Variants in SETD1A observed in about 807,000 individuals in gnomAD.
SETD1A encodes the protein SET domain containing 1A, histone lysine methyltransferase.
A neutral mutation model predicts 149.9 loss-of-function variants in SETD1A; 29 were observed. The observed-to-expected ratio is 0.19, with a 90% CI of 0.14 to 0.26. The LOEUF (loss-of-function observed/expected upper bound fraction) is 0.26, where lower values mean the gene tolerates loss of function less well. SETD1A is among the 10% of genes least tolerant of loss of function. SETD1A has a pLI of 1.00. For synonymous variants in SETD1A, 1,141 were observed against 968.5 expected (o/e 1.18, Z -3.31); for missense variants, 2,109 against 2,353.1 (o/e 0.90, Z 2.15).
intron 1 of SETD1A, 130 bp from the exon 2 acceptor site, chr16:30,958,587 C>G: frequency 1.3e-6 from 1 of 741,212 alleles, no homozygotes; most frequent in Non-Finnish European, 2.2e-6. Context: ...CCGGGGGAGC[C>G]CCGGGTCAGG....
chr16:30,975,823 G>A (rs12931046), intron 13 of SETD1A, among the ~76,000 whole-genome samples: 80,552 of 151,830 alleles, frequency 0.53, 23,706 homozygotes, highest in East Asian at 0.91. Flanking sequence ...AGAGCTGGAG[G>A]GAGAGCAAGA....
chr16:30,971,292 A>T, intron 12 of SETD1A, 86 bp from the exon 13 acceptor site: 1 of 1,372,228 alleles, frequency 7.3e-7, no homozygotes, highest in Non-Finnish European at 1.0e-6. Context: ...AGAGCCCAGC[A>T]TCCACAGCAG....
intron 12 of SETD1A, among the ~76,000 whole-genome samples, chr16:30,970,242 T>A (rs1455064518): frequency 6.6e-6 from 1 of 151,126 alleles, no homozygotes; most frequent in Non-Finnish European, 1.5e-5. Context: ...GTGCTGGGAT[T>A]ACAGGCGTGA....
intron 1 of SETD1A, 92 bp from the exon 2 acceptor site, chr16:30,958,625 A>T: frequency 1.4e-5 from 16 of 1,116,478 alleles, no homozygotes; most frequent in Non-Finnish European, 2.1e-5. Flanking sequence ...GAGTGATGGG[A>T]GAACCTGGAA....
Position 30,969,685 on chromosome 16 carries a change from G to A in SETD1A, c.3012G>A (p.Ser1004=), listed in dbSNP as rs1245464994. The A allele has an allele frequency of 6.2e-6, 10 of 1,613,198 alleles. No homozygotes were observed. Among genetic ancestry groups the A allele is most frequent in the South Asian group, 2.2e-5 (2 of 91,078 alleles). Residue 1004 remains serine, a synonymous_variant, in exon 12 of 19, where the codon TCG becomes TCA. Transcript: ENST00000262519. ...VDTTKKETEV[S]DGEDEESDSS... ...CCACAAAGAAGGAGACAGAGGTGTC[G>A]GATGGTGAGCACAAGACAGTGAAAT...
intron 12 of SETD1A, 95 bp from the exon 13 acceptor site, chr16:30,971,276 TAGCCCAG>T (rs1261673414): frequency 1.6e-6 from 2 of 1,264,228 alleles, no homozygotes; most frequent in Non-Finnish European, 1.1e-6. Context: ...TCCCCGTCCC[TAGCCCAG>T]AGCCCAGCAT....
At chr16:30,978,218 A>G (rs1171010628) in intron 13 of SETD1A, among the ~76,000 whole-genome samples, 8 of 151,454 alleles carry the variant, frequency 5.3e-5, no homozygotes, top group African/African-American at 1.5e-4. Flanking sequence ...AGGTTGCAGT[A>G]AGCCGAGATT....
In SETD1A at chr16:30,971,375, C is replaced by T. The variant is rs1177446639; in HGVS notation, c.3017-3C>T. On this transcript the variant is annotated splice_region_variant and splice_polypyrimidine_tract_variant and intron_variant, in intron 12 of 18. Coordinates refer to ENST00000262519, the MANE Select transcript of SETD1A (RefSeq NM_014712.3). ...CTCCTGACTGCCCCTTCTGGATTTC[C>T]AGGCGAGGACGAGGAAAGCGATTCG... is the stretch of plus-strand genomic sequence containing the variant. The T allele has an allele frequency of 6.4e-7, 1 of 1,565,420 alleles. No individual in the cohort carries two copies. The highest frequency in any genetic ancestry group is 1.7e-5 in the Admixed American group (1 of 57,436).
At chr16:30,959,044 C>G (rs748879700) in intron 2 of SETD1A, 47 bp from the exon 3 acceptor site, 1 of 1,505,476 alleles carries the variant, frequency 6.6e-7, no homozygotes, top group Non-Finnish European at 9.2e-7. Flanking sequence ...AGCTCCCTAG[C>G]CTGGATTCAC....
Position 30,965,819 on chromosome 16 carries a change from C to T in SETD1A, c.1938C>T (p.Tyr646=), listed in dbSNP as rs770913157. ...PRPDGPPPPE[Y]PPPPPPPPHI... is the part of the protein sequence containing the mutation. ...CTGATGGGCCGCCGCCCCCTGAGTACCCCCCACCTCCTCCACCACCCCCGC... is the reference window on the plus strand; with the variant it reads ...CTGATGGGCCGCCGCCCCCTGAGTATCCCCCACCTCCTCCACCACCCCCGC... Residue 646 remains tyrosine, a synonymous_variant, in exon 8 of 19, where the codon TAC becomes TAT. Transcript: ENST00000262519. 3.8e-6 allele frequency: 6 copies of T among 1,566,862 alleles called. No homozygotes were observed. In the South Asian group the frequency reaches 4.6e-5, roughly 12 times the overall value.
In SETD1A at chr16:30,964,776, C is replaced by G. The variant is rs754313185; in HGVS notation, c.1034C>G (p.Ser345Cys). 12 of 1,614,046 alleles carry G rather than the reference C, an allele frequency of 7.4e-6. 1 individual carries two copies. The highest frequency in any genetic ancestry group is 3.3e-4 in the Middle Eastern group (2 of 6,082). ...TCCTCCGCCTCTTCCTCCTCATTGT[C>G]CTCGTCCTCCTCGTCATCCTCTTCC... Reference protein sequence around the residue: ...ASSSASSSSLSSSSSSSSSSS... With the variant: ...ASSSASSSSLCSSSSSSSSSS... Residue 345 changes from serine to cysteine, a missense_variant, in exon 7 of 19, where the codon TCC becomes TGC. By Grantham distance (112) the Ser-to-Cys change is moderately radical (BLOSUM62 -1). Transcript: ENST00000262519.
Position 30,964,342 on chromosome 16 carries a change from C to T in SETD1A, c.869+19C>T, listed in dbSNP as rs767466877. On this transcript the variant is annotated intron_variant, in intron 6 of 18. Coordinates refer to ENST00000262519, the MANE Select transcript of SETD1A (RefSeq NM_014712.3). The stretch of plus-strand genomic sequence containing the variant: ...CCAGCAGGTACAGAGCAGACCCCGC[C>T]TGGGGCCCCGCCCGCAAAGTCTGGG... The T allele has an allele frequency of 1.9e-6, 3 of 1,595,554 alleles. No individual in the cohort carries two copies. The highest frequency in any genetic ancestry group is 2.6e-6 in the Non-Finnish European group (3 of 1,165,220).
chr16:30,974,867 G>A (rs897310327), intron 13 of SETD1A, among the ~76,000 whole-genome samples: 2 of 152,206 alleles, frequency 1.3e-5, no homozygotes, highest in African/African-American at 4.8e-5. Context: ...ATTAGGCTGG[G>A]TGCGGTGGCT....
chr16:30,965,362 A>G lies in SETD1A; in HGVS notation c.1620A>G (p.Thr540=), dbSNP rs1451532334. 1 of 1,612,166 alleles carries G rather than the reference A, an allele frequency of 6.2e-7. No individual in the cohort carries two copies. The highest frequency in any genetic ancestry group is 1.1e-5 in the South Asian group (1 of 91,070). Residue 540 remains threonine (T), a synonymous_variant, in exon 7 of 19, where the codon ACA becomes ACG. Transcript: ENST00000262519. ...VPSGSGHGPC[T]PPPAPANFED... ...CTGGGTCAGGGCATGGGCCCTGCAC[A>G]CCCCCTCCGGCCCCAGCTAATTTTG...
In SETD1A at chr16:30,965,405, G is replaced by A. The variant is rs1275514641; in HGVS notation, c.1663G>A (p.Gly555Arg). ...TAATTTTGAGGATGTGGCACCTACA[G>A]GGAGCGGGGAGCCAGGGGCTACCCG... Reference protein sequence around the residue: ...PANFEDVAPTGSGEPGATRES... With the variant: ...PANFEDVAPTRSGEPGATRES... Residue 555 changes from glycine (G) to arginine (R), a missense_variant, in exon 7 of 19, where the codon GGG (glycine) becomes AGG (arginine). Gly to Arg is a moderately radical substitution (Grantham distance 125). Transcript: ENST00000262519. 6.2e-7 allele frequency: 1 copy of A among 1,605,422 alleles called. No individual in the cohort carries two copies. The highest frequency in any genetic ancestry group is 8.5e-7 in the Non-Finnish European group (1 of 1,173,438).
chr16:30,968,220 C>T (rs182297086), intron 10 of SETD1A, among the ~76,000 whole-genome samples: 50 of 152,164 alleles, frequency 3.3e-4, no homozygotes, highest in African/African-American at 1.1e-3. Flanking sequence ...GCCAGGCCAA[C>T]ATGGCACAAC....
intron 13 of SETD1A, among the ~76,000 whole-genome samples, chr16:30,977,304 G>T (rs183755218): frequency 3.3e-5 from 5 of 152,060 alleles, no homozygotes; most frequent in Non-Finnish European, 5.9e-5. Context: ...AGTGATTGCC[G>T]CCTGGGGATG....
At position 30,971,511 on chromosome 16, in the gene SETD1A, A is replaced by T. The variant is rs200444093; in HGVS notation, c.3150A>T (p.Ser1050=). Residue 1050 remains serine, a synonymous_variant, in exon 13 of 19, where the codon TCA becomes TCT. Transcript: ENST00000262519. ...CATCCTCCTCCTCCTCCTCGTCCTC[A>T]TCCTCCTCGTCCTCTTCATCCTCTG... ...SSSSSSSSSS[S]SSSSSSSSES... The T allele has an allele frequency of 4.8e-5, 77 of 1,613,558 alleles. No individual in the cohort carries two copies. Among genetic ancestry groups the T allele is most frequent in the Admixed American group, 6.7e-5 (4 of 59,990 alleles).
Position 30,966,051 on chromosome 16 carries a change from G to A in SETD1A, c.2170G>A (p.Ala724Thr), listed in dbSNP as rs906877183. Residue 724 changes from alanine (A) to threonine (T), a missense_variant, in exon 8 of 19, where the codon GCA becomes ACA. Coordinates refer to ENST00000262519, the MANE Select transcript of SETD1A (RefSeq NM_014712.3). ...CCTCCCGTTTCCACCCCCGCAGGAGGCAGCCTACGGCTTGCCGTATGCTCT... is the reference window on the plus strand; with the variant it reads ...CCTCCCGTTTCCACCCCCGCAGGAGACAGCCTACGGCTTGCCGTATGCTCT... Reference protein sequence around the residue: ...AFLPFPPPQEAAYGLPYALYA... With the variant: ...AFLPFPPPQETAYGLPYALYA... 1 of 1,568,672 alleles carries A rather than the reference G, an allele frequency of 6.4e-7. No individual in the cohort carries two copies. The highest frequency in any genetic ancestry group is 8.6e-7 in the Non-Finnish European group (1 of 1,157,010).
Sources: allele counts gnomAD v4.1 joint callset (sites outside exome capture counted in the v4.1 genomes callset), GRCh38; gene constraint gnomAD v4.1.1; transcripts MANE v1.5; gene names NCBI Gene and HGNC (gene_info 2026-07-23, HGNC 2026-07-21).